Variants in TIMM23 observed in about 807,000 individuals in gnomAD.
TIMM23 encodes translocase of inner mitochondrial membrane 23.
TIMM23 carries 19 observed loss-of-function variants against 30.7 expected under a neutral mutation model. The observed-to-expected ratio is 0.62, with a 90% CI of 0.43 to 0.91. The LOEUF (loss-of-function observed/expected upper bound fraction) is 0.91. TIMM23 is among the 40% of genes least tolerant of loss of function. The pLI is 0.00. For missense variants in TIMM23, 202 were observed against 269.2 expected, an observed-to-expected ratio of 0.75 and a Z score of 1.75; for synonymous variants, 78 against 98.5, an observed-to-expected ratio of 0.79 and a Z score of 1.23.
rs1420348982 is a variant in TIMM23, at chr10:45,980,980, C to A, written c.166-1543C>A. 6.2e-5 allele frequency among the ~76,000 whole-genome samples: 9 copies of A among 144,426 alleles called. No homozygotes were observed. The East Asian group carries it at 1.6e-3, about 26-fold the overall frequency. 94.7% of individuals were successfully genotyped at this position (144,426 alleles called of 152,430 possible). ...TTGGAGATGGAGTCTCGCTCTGTCA[C>A]CCAGGCTGGAGTGCAGTGGCGTGAT... On this transcript the variant is annotated intron_variant, in intron 2 of 6. Coordinates refer to ENST00000580018, the MANE Select transcript of TIMM23 (RefSeq NM_006327.4).
At position 45,988,747 on chromosome 10, in the gene TIMM23, T is replaced by G; in HGVS notation, c.414T>G (p.Tyr138Ter). 1 of 1,613,900 alleles carries G rather than the reference T, an allele frequency of 6.2e-7. No homozygotes were observed. Among genetic ancestry groups the G allele is most frequent in the Admixed American group, 1.7e-5 (1 of 60,020 alleles). Residue 138 changes from tyrosine to a stop codon, truncating the protein, a stop_gained, in exon 6 of 7, where the codon TAT becomes TAG. Coordinates refer to ENST00000580018, the MANE Select transcript of TIMM23 (RefSeq NM_006327.4). LOFTEE classifies it high-confidence loss of function. The part of the protein sequence containing the change: ...ANTLGSLALL[Y>*]SAFGVIIEKT... ...CCATTTCCTCTTTAGCTTTGCTCTA[T>G]AGTGCATTTGGTGTCATCATTGAGA...
rs782013689 is a variant in TIMM23 at position 45,993,244 on chromosome 10, C to CTTTTTTTTTTTTTTTTT, written c.514+4398_514+4414dup. Among the ~76,000 whole-genome samples, 71 of 71,998 alleles carry CTTTTTTTTTTTTTTTTT rather than the reference C, an allele frequency of 9.9e-4. 4 individuals are homozygous for CTTTTTTTTTTTTTTTTT. Among genetic ancestry groups the CTTTTTTTTTTTTTTTTT allele is most frequent in the African/African-American group, 3.8e-3 (56 of 14,704 alleles). The allele number at this position is 71,998 out of a possible 152,430, so 47.2% of individuals were successfully genotyped here. A position where few individuals can be genotyped will look rare whatever the true frequency, so the allele number is the denominator to read the frequency against. On this transcript the variant is annotated intron_variant, in intron 6 of 6. Coordinates refer to ENST00000580018, the MANE Select transcript of TIMM23 (RefSeq NM_006327.4). ...TTGCCAGTGTGAGCATCTACCATCA[C>CTTTTTTTTTTTTTTTTT]TTTTTTTTTTTTTTTTTGGAGACTG...
intron 6 of TIMM23, among the ~76,000 whole-genome samples, chr10:45,996,418 T>C (rs1451476941): frequency 6.0e-5 from 9 of 149,932 alleles, no homozygotes; most frequent in Non-Finnish European, 1.3e-4. Context: ...GTATGACCTT[T>C]TGAAAAAGGT....
At chr10:45,993,320 A>G (rs1157223748) in intron 6 of TIMM23, among the ~76,000 whole-genome samples, 1 of 147,388 alleles carries the variant, frequency 6.8e-6, no homozygotes, top group Non-Finnish European at 1.5e-5. Context: ...ATCTCGGCTC[A>G]CAGCACCCTC....
At chr10:45,993,969 C>G (rs1838250182) in intron 6 of TIMM23, among the ~76,000 whole-genome samples, 2 of 152,186 alleles carry the variant, frequency 1.3e-5, no homozygotes, top group South Asian at 4.2e-4. Context: ...GTGGTGCACT[C>G]CAGCTTGGGT....
intron 4 of TIMM23, among the ~76,000 whole-genome samples, chr10:45,985,078 A>C (rs1837956357): frequency 6.6e-6 from 1 of 152,014 alleles, no homozygotes. Context: ...AAAGCCTTAT[A>C]TATATTTAAT....
At chr10:45,988,653 C>A in intron 5 of TIMM23, 84 bp from the exon 6 acceptor site, 3 of 901,644 alleles carry the variant, frequency 3.3e-6, no homozygotes, top group Middle Eastern at 2.5e-4. Context: ...GAGCTAGGAA[C>A]CATGGATGAA....
chr10:46,000,728 C>T (rs1337187559), intron 6 of TIMM23, among the ~76,000 whole-genome samples: 6 of 152,152 alleles, frequency 3.9e-5, no homozygotes, highest in African/African-American at 1.2e-4. Context: ...TTTCCAAAGC[C>T]CATGGACTGA....
intron 2 of TIMM23, among the ~76,000 whole-genome samples, chr10:45,977,805 G>T (rs1206138721): frequency 8.5e-5 from 13 of 152,194 alleles, no homozygotes; most frequent in Non-Finnish European, 1.9e-4. Context: ...GCTGAGGTGG[G>T]TAGATCACCT....
At chr10:46,000,738 A>T (rs1409720578) in intron 6 of TIMM23, among the ~76,000 whole-genome samples, 1 of 152,242 alleles carries the variant, frequency 6.6e-6, no homozygotes, top group Non-Finnish European at 1.5e-5. Flanking sequence ...CCATGGACTG[A>T]CTTCACAGTC....
intron 2 of TIMM23, among the ~76,000 whole-genome samples, chr10:45,978,026 G>A (rs1355844491): frequency 4.0e-5 from 6 of 151,238 alleles, no homozygotes; most frequent in East Asian, 3.9e-4. Context: ...AGTAAGACTC[G>A]GTCTCAAAAA....
At chr10:45,986,215 T>G (rs1837983249) in intron 5 of TIMM23, among the ~76,000 whole-genome samples, 1 of 152,210 alleles carries the variant, frequency 6.6e-6, no homozygotes, top group African/African-American at 2.4e-5. Flanking sequence ...ATCTTCACAC[T>G]GTAAAGCTAG....
chr10:45,996,277 G>A (rs1838328956), intron 6 of TIMM23, among the ~76,000 whole-genome samples: 4 of 144,002 alleles, frequency 2.8e-5, no homozygotes, highest in Admixed American at 2.8e-4. Context: ...CAGGAGAATG[G>A]CGTGAACCTG....
chr10:45,996,947 AGAGT>A (rs1460379832), intron 6 of TIMM23, among the ~76,000 whole-genome samples: 11 of 147,436 alleles, frequency 7.5e-5, no homozygotes, highest in African/African-American at 2.8e-4. Flanking sequence ...CCTGGACGAC[AGAGT>A]GAGACCCTGT....
At chr10:45,973,791 G>A (rs1392065353) in intron 1 of TIMM23, among the ~76,000 whole-genome samples, 5 of 149,936 alleles carry the variant, frequency 3.3e-5, no homozygotes, top group Non-Finnish European at 5.9e-5. Context: ...CTCTAGGTAC[G>A]TACCACCACG....
chr10:45,999,883 C>T (rs1406285933), intron 6 of TIMM23, among the ~76,000 whole-genome samples: 4 of 152,120 alleles, frequency 2.6e-5, no homozygotes, highest in South Asian at 4.1e-4. Context: ...TACCCCCAGG[C>T]GCGTATTCTC....
At chr10:45,986,892 T>C (rs868925629) in intron 5 of TIMM23, among the ~76,000 whole-genome samples, 1,886 of 152,280 alleles carry the variant, frequency 0.012, 26 homozygotes, top group African/African-American at 0.041. Context: ...TTAAATATTC[T>C]TCCTGAGACT....
At chr10:45,987,234 A>G (rs1160280387) in intron 5 of TIMM23, among the ~76,000 whole-genome samples, 11 of 96,872 alleles carry the variant, frequency 1.1e-4, no homozygotes, top group Admixed American at 3.7e-4. Context: ...TTTTGTGTTG[A>G]AAAAAAAAAA....
intron 5 of TIMM23, among the ~76,000 whole-genome samples, chr10:45,987,207 A>G (rs1221361032): frequency 1.3e-5 from 2 of 151,774 alleles, no homozygotes; most frequent in Non-Finnish European, 2.9e-5. Flanking sequence ...TTTTCTAAAT[A>G]TAATTGCCAT....
Sources: gnomAD v4.1 joint callset for allele counts (sites outside exome capture counted in the v4.1 genomes callset) on GRCh38, gnomAD v4.1.1 for gene constraint, MANE v1.5 for transcripts, NCBI Gene and HGNC (gene_info 2026-07-23, HGNC 2026-07-21) for gene names.